PAMR1: variants seen among roughly 807,000 people sequenced by gnomAD.
PAMR1 encodes the protein peptidase domain containing associated with muscle regeneration 1.
PAMR1 carries 88 observed loss-of-function variants against 81.8 expected under a neutral mutation model. The observed-to-expected ratio is 1.08, with a 90% CI of 0.91 to 1.28. PAMR1 has a LOEUF of 1.28. Ranked by LOEUF, PAMR1 falls within the 50% of genes most tolerant of loss-of-function variation. The pLI is 0.00. For synonymous variants in PAMR1, 336 were observed against 345.3 expected (o/e 0.97, Z 0.30); for missense variants, 935 against 919.7 (o/e 1.02, Z -0.21).
chr11:35,471,780 C>T (rs1254177247), intron 4 of PAMR1, among the ~76,000 whole-genome samples: 1 of 152,144 alleles, frequency 6.6e-6, no homozygotes, highest in Non-Finnish European at 1.5e-5. Context: ...CATCCCAGGG[C>T]AAGAGAGGCA....
At chr11:35,494,059 C>CA in intron 2 of PAMR1, 37 bp downstream of exon 2, 1 of 1,577,018 alleles carries the variant, frequency 6.3e-7, no homozygotes, top group Non-Finnish European at 8.7e-7. Flanking sequence ...CCTCCAACAA[C>CA]ATGAAGGCAA....
intron 3 of PAMR1, among the ~76,000 whole-genome samples, chr11:35,487,445 A>G (rs1376038222): frequency 6.6e-6 from 1 of 152,056 alleles, no homozygotes; most frequent in Non-Finnish European, 1.5e-5. Flanking sequence ...GTCTCAGCTT[A>G]TTCTTGGATC....
intron 5 of PAMR1, among the ~76,000 whole-genome samples, chr11:35,469,263 G>GTAT (rs1029611191): frequency 6.6e-6 from 1 of 152,164 alleles, no homozygotes; most frequent in African/African-American, 2.4e-5. Flanking sequence ...ATGGGAAGTG[G>GTAT]TATTATTTGA....
chr11:35,452,632 AT>A (rs1470750119), intron 6 of PAMR1, among the ~76,000 whole-genome samples: 3 of 152,206 alleles, frequency 2.0e-5, no homozygotes, highest in East Asian at 3.9e-4. Context: ...CTTCTTTATA[AT>A]TTTTTCCAAA....
intron 6 of PAMR1, among the ~76,000 whole-genome samples, chr11:35,458,516 T>TA (rs1856582095): frequency 6.6e-6 from 1 of 152,208 alleles, no homozygotes; most frequent in South Asian, 2.1e-4. Context: ...GTCAGGCAGG[T>TA]ACTATTCTGT....
chr11:35,471,211 T>A (rs1198347784), intron 4 of PAMR1, among the ~76,000 whole-genome samples: 1 of 152,134 alleles, frequency 6.6e-6, no homozygotes, highest in Non-Finnish European at 1.5e-5. Context: ...CCAAAGAAGA[T>A]CCCTTATTTT....
intron 3 of PAMR1, among the ~76,000 whole-genome samples, chr11:35,485,117 A>C (rs1037901160): frequency 1.3e-5 from 2 of 152,214 alleles, no homozygotes; most frequent in African/African-American, 4.8e-5. Context: ...ATCAAGGTGA[A>C]CTTAAAACAT....
At chr11:35,478,037 G>A (rs1054770760) in intron 3 of PAMR1, among the ~76,000 whole-genome samples, 3 of 152,142 alleles carry the variant, frequency 2.0e-5, no homozygotes, top group African/African-American at 7.2e-5. Context: ...AGCCTGTAAG[G>A]TGTTAAATCC....
rs756828776 is a variant in PAMR1 at position 35,432,616 on chromosome 11, C to T, written c.1903G>A (p.Glu635Lys). 3 of 1,613,972 alleles carry T rather than the reference C, an allele frequency of 1.9e-6. No homozygotes were observed. The African/African-American group carries it at 4.0e-5, about 22-fold the overall frequency. ...VDSLLCEEQH[E>K]DHGIPVSVTD... ...ACACTCACTGGGATGCCATGGTCCTCATGCTGCTCCTCACACAGCAGCGAG... is the reference window on the plus strand; with the variant it reads ...ACACTCACTGGGATGCCATGGTCCTTATGCTGCTCCTCACACAGCAGCGAG... Residue 635 changes from glutamate to lysine, a missense_variant, in exon 11 of 11, where the codon GAG becomes AAG. By Grantham distance (56) the Glu-to-Lys change is moderately conservative. Transcript: ENST00000619888.
intron 4 of PAMR1, among the ~76,000 whole-genome samples, chr11:35,473,750 T>C (rs1393429138): frequency 1.3e-5 from 2 of 152,128 alleles, no homozygotes; most frequent in Non-Finnish European, 2.9e-5. Context: ...TCTGTGTCCA[T>C]TTAGCCACCC....
chr11:35,508,285 G>C (rs1851009654), intron 1 of PAMR1, among the ~76,000 whole-genome samples: 1 of 152,140 alleles, frequency 6.6e-6, no homozygotes, highest in South Asian at 2.1e-4. Context: ...AACATGCTTT[G>C]TGTTGGGAAG....
chr11:35,494,052 C>T, intron 2 of PAMR1, 44 bp downstream of exon 2: 1 of 1,535,174 alleles, frequency 6.5e-7, no homozygotes, highest in East Asian at 2.2e-5. Context: ...TTCATTACCT[C>T]CAACAACATG....
In PAMR1 at chr11:35,468,083, A is replaced by G. The variant is rs138249563; in HGVS notation, c.738T>C (p.His246=). ...CCTTGTCAAGGACGCACGTGCCGTC[A>G]TGGAAACAAGGGGATGAGGAGCATG... ...ITACSSSPCF[H]DGTCVLDKAG... is the part of the protein sequence containing the mutation. Residue 246 remains histidine, a synonymous_variant, in exon 6 of 11, where the codon CAT becomes CAC. Transcript: ENST00000619888. 7.7e-6 allele frequency: 12 copies of G among 1,554,754 alleles called. No homozygotes were observed. Among genetic ancestry groups the G allele is most frequent in the South Asian group, 1.2e-5 (1 of 84,292 alleles).
In PAMR1 at chr11:35,441,700, G is replaced by C; in HGVS notation, c.821-7C>G. The C allele has an allele frequency of 6.4e-7, 1 of 1,566,646 alleles. No individual in the cohort carries two copies. ...CAGTTTCTTTCTTCAAGGACTAAAA[G>C]AAAGTAAAAGAAAAGGAGAATTGTT... On this transcript the variant is annotated splice_region_variant and splice_polypyrimidine_tract_variant and intron_variant, in intron 6 of 10. Transcript: ENST00000619888.
At chr11:35,512,120 A>G (rs972156735) in intron 1 of PAMR1, among the ~76,000 whole-genome samples, 1 of 152,196 alleles carries the variant, frequency 6.6e-6, no homozygotes, top group East Asian at 1.9e-4. Context: ...AAAACTTTCA[A>G]TGGATTTGCT....
chr11:35,514,752 C>T (rs1189865046), intron 1 of PAMR1, among the ~76,000 whole-genome samples: 2 of 152,158 alleles, frequency 1.3e-5, no homozygotes, highest in Admixed American at 6.5e-5. Context: ...TTTGGGAGGC[C>T]GTGGTGGGGA....
chr11:35,526,592 G>A (rs561022842), upstream of PAMR1, among the ~76,000 whole-genome samples: 23 of 152,262 alleles, frequency 1.5e-4, no homozygotes, highest in South Asian at 4.1e-4. Context: ...TTAGAGAAAC[G>A]GAACCATTGA....
At chr11:35,459,304 T>C (rs377115497) in intron 6 of PAMR1, among the ~76,000 whole-genome samples, 40 of 152,206 alleles carry the variant, frequency 2.6e-4, no homozygotes, top group African/African-American at 8.9e-4. Context: ...TTTTGAAAAG[T>C]CCTAGTCATT....
chr11:35,514,130 G>A (rs537590154), intron 1 of PAMR1, among the ~76,000 whole-genome samples: 94 of 152,258 alleles, frequency 6.2e-4, no homozygotes, highest in Non-Finnish European at 1.0e-3. Context: ...ACCTTGCCAC[G>A]GCATTTCCCT....
Sources: gnomAD v4.1 joint callset for allele counts (sites outside exome capture counted in the v4.1 genomes callset) on GRCh38, gnomAD v4.1.1 for gene constraint, MANE v1.5 for transcripts, NCBI Gene and HGNC (gene_info 2026-07-23, HGNC 2026-07-21) for gene names.